The following L2HGDH variants were observed in gnomAD, a reference collection of about 807,000 sequenced individuals.
L2HGDH encodes L-2-hydroxyglutarate dehydrogenase, mitochondrial.
L2HGDH carries 34 observed loss-of-function variants against 51.5 expected under a neutral mutation model. The ratio of observed to expected loss-of-function variants is 0.66; its 90% CI spans 0.50 to 0.88. The LOEUF is 0.88. L2HGDH is among the 40% of genes least tolerant of loss of function. L2HGDH has a pLI of 0.00. For synonymous variants in L2HGDH, 198 were observed against 197.9 expected (o/e 1.00, Z -0.01); for missense variants, 558 against 571.9 (o/e 0.98, Z 0.25).
At chr14:50,295,573 T>C (rs1207037270) in intron 3 of L2HGDH, among the ~76,000 whole-genome samples, 1 of 101,512 alleles carries the variant, frequency 9.9e-6, no homozygotes. Context: ...ACTCGGCTAA[T>C]TTTTTTTTTT....
In L2HGDH at chr14:50,303,794, A is replaced by T. The variant is rs556474469; in HGVS notation, c.141-777T>A. On this transcript the variant is annotated intron_variant, in intron 1 of 9. Transcript: ENST00000267436. ...CAGACCCTGTCTCAAAAAAAAAAAA[A>T]AAAAGTTAGACGCATTAAAAAAAAA... is the stretch of plus-strand genomic sequence containing the variant. Among the ~76,000 whole-genome samples, 341 of 144,434 alleles carry T rather than the reference A, an allele frequency of 2.4e-3. 2 individuals carry two copies. In the Middle Eastern group the frequency reaches 0.055, roughly 23 times the overall value. 94.8% of individuals were successfully genotyped at this position (144,434 alleles called of 152,430 possible). A position where few individuals can be genotyped will look rare whatever the true frequency, so the allele number is the denominator to read the frequency against.
intron 1 of L2HGDH, among the ~76,000 whole-genome samples, chr14:50,303,807 C>G (rs1376057167): frequency 2.4e-5 from 2 of 82,116 alleles, no homozygotes; most frequent in Non-Finnish European, 2.4e-5. Flanking sequence ...AAGTTAGACG[C>G]ATTAAAAAAA....
rs1225830805 is a variant in L2HGDH, at chr14:50,312,217, CG to C, written c.-68del. On this transcript the variant is annotated 5_prime_UTR_variant, in exon 1 of 10. Transcript: ENST00000267436. ...ACTTGACCCTCCACGGCCGAGGACC[CG>C]CGCTCTTTAGCCCCGCCCCTCACGC... 1.3e-6 allele frequency: 2 copies of C among 1,584,652 alleles called. No individual in the cohort carries two copies. Among genetic ancestry groups the C allele is most frequent in the African/African-American group, 2.7e-5 (2 of 74,434 alleles).
At chr14:50,281,641 T>C (rs904192129) in intron 5 of L2HGDH, among the ~76,000 whole-genome samples, 23 of 152,170 alleles carry the variant, frequency 1.5e-4, no homozygotes, top group African/African-American at 5.1e-4. Flanking sequence ...TTCATAGTTA[T>C]AAAATTCTGG....
chr14:50,293,634 G>T (rs1357323099), intron 4 of L2HGDH, among the ~76,000 whole-genome samples: 1 of 152,154 alleles, frequency 6.6e-6, no homozygotes, highest in East Asian at 1.9e-4. Context: ...GGAGGTCGAG[G>T]CAGGAGGATC....
At chr14:50,310,662 C>T (rs1232863622) in intron 1 of L2HGDH, among the ~76,000 whole-genome samples, 1 of 152,050 alleles carries the variant, frequency 6.6e-6, no homozygotes, top group Non-Finnish European at 1.5e-5. Flanking sequence ...TATGATTGTG[C>T]CACTGCACTC....
intron 9 of L2HGDH, among the ~76,000 whole-genome samples, chr14:50,258,226 T>C (rs555397014): frequency 2.0e-5 from 3 of 151,874 alleles, no homozygotes; most frequent in African/African-American, 7.2e-5. Flanking sequence ...GGTTATTTTA[T>C]TTTTTTTAGA....
chr14:50,252,126 C>G (rs1271334551), intron 9 of L2HGDH, among the ~76,000 whole-genome samples: 1 of 150,736 alleles, frequency 6.6e-6, no homozygotes, highest in Non-Finnish European at 1.5e-5. Flanking sequence ...AGCCAAGGAA[C>G]AAAGTTAAAG....
intron 5 of L2HGDH, among the ~76,000 whole-genome samples, chr14:50,279,832 G>T (rs891378720): frequency 5.3e-5 from 8 of 152,102 alleles, no homozygotes; most frequent in Non-Finnish European, 1.0e-4. Flanking sequence ...AGGCCGAAGT[G>T]GGTGGATCAC....
At position 50,302,999 on chromosome 14, in the gene L2HGDH, G is replaced by T. The variant is rs2297995; in HGVS notation, c.159C>A (p.Ile53=). ...CAAGCCCCACAATTCCGCCACCAAC[G>T]ATGACTATATCAAATGAGCTTCAAA... The part of the protein sequence containing the change: ...SASTSSFDIV[I]VGGGIVGLAS... The change falls in exon 2 of 10, where the codon ATC becomes ATA. Residue 53 remains isoleucine (I), a synonymous_variant. Coordinates refer to ENST00000267436, the MANE Select transcript of L2HGDH (RefSeq NM_024884.3). 6.2e-7 allele frequency: 1 copy of T among 1,611,146 alleles called. No individual in the cohort carries two copies. The highest frequency in any genetic ancestry group is 1.7e-5 in the Admixed American group (1 of 60,000).
At chr14:50,267,180 T>C (rs1024529534) in intron 8 of L2HGDH, among the ~76,000 whole-genome samples, 2 of 144,704 alleles carry the variant, frequency 1.4e-5, no homozygotes, top group African/African-American at 2.8e-5. Context: ...TTTATTTATT[T>C]ATTTATTTAT....
intron 6 of L2HGDH, among the ~76,000 whole-genome samples, chr14:50,274,544 G>A (rs968369226): frequency 3.3e-5 from 5 of 152,022 alleles, no homozygotes; most frequent in South Asian, 2.1e-4. Context: ...CAGTAAGGAC[G>A]TTTCTCAAAA....
intron 9 of L2HGDH, among the ~76,000 whole-genome samples, chr14:50,259,484 A>G (rs895663960): frequency 4.0e-5 from 6 of 149,444 alleles, no homozygotes; most frequent in Non-Finnish European, 7.4e-5. Flanking sequence ...TGCTGAGATT[A>G]CAGGCATGAG....
rs565379725 is a variant in L2HGDH at position 50,274,298 on chromosome 14, G to T, written c.738+4222C>A. 3.8e-4 allele frequency among the ~76,000 whole-genome samples: 53 copies of T among 140,302 alleles called. No individual in the cohort carries two copies. In the East Asian group the frequency reaches 6.1e-3, roughly 16 times the overall value. The allele number at this position is 140,302 out of a possible 152,430, so 92.0% of individuals were successfully genotyped here. On this transcript the variant is annotated intron_variant, in intron 6 of 9. Coordinates refer to ENST00000267436, the MANE Select transcript of L2HGDH (RefSeq NM_024884.3). ...TCAAAAAAAAAAAAGGGGAGTGGGG[G>T]GGCCAAGGACCTGAATATGTATTTT...
intron 7 of L2HGDH, among the ~76,000 whole-genome samples, chr14:50,268,381 GAAA>G (rs769880130): frequency 1.5e-5 from 1 of 67,920 alleles, no homozygotes; most frequent in Non-Finnish European, 3.1e-5. Flanking sequence ...TCTGTCTCAG[GAAA>G]AAAAAAAAAA....
Position 50,243,140 on chromosome 14 carries a change from A to C in L2HGDH, c.*3918T>G. On this transcript the variant is annotated 3_prime_UTR_variant, in exon 10 of 10. Transcript: ENST00000267436. ...CAACAGTAAAGGCAACTCCCCAAAC[A>C]GTGCTAATGCTGAGAGGATCAAGGG... The C allele has an allele frequency of 1.0e-6, 1 of 985,354 alleles. No individual in the cohort carries two copies. Among genetic ancestry groups the C allele is most frequent in the South Asian group, 4.7e-5 (1 of 21,296 alleles). The allele number at this position is 985,354 out of a possible 1,614,324, so 61.0% of individuals were successfully genotyped here.
rs929365362 is a variant in L2HGDH, at chr14:50,294,175, A to G, written c.480T>C (p.Gly160=). 1.9e-6 allele frequency: 3 copies of G among 1,613,812 alleles called. No individual in the cohort carries two copies. The highest frequency in any genetic ancestry group is 1.6e-4 in the Middle Eastern group (1 of 6,062). ...GCTGGATCAGCCTCAGGCCCGGGAC[A>G]CCATTCTGGAGGCCTTTCTCATATA... ...QALYEKGLQN[G]VPGLRLIQQE... Residue 160 remains glycine, a synonymous_variant, in exon 4 of 10, where the codon GGT becomes GGC. Coordinates refer to ENST00000267436, the MANE Select transcript of L2HGDH (RefSeq NM_024884.3).
rs1214892466 is a variant in L2HGDH, at chr14:50,267,760, T to C, written c.1057A>G (p.Ile353Val). 2.5e-6 allele frequency: 4 copies of C among 1,608,432 alleles called. No homozygotes were observed. Among genetic ancestry groups the C allele is most frequent in the East Asian group, 4.5e-5 (2 of 44,858 alleles). The change falls in exon 8 of 10, where the codon ATC becomes GTC. Residue 353 changes from isoleucine (I) to valine (V), a missense_variant. Physicochemically the swap from Ile to Val is conservative, Grantham distance 29. Coordinates refer to ENST00000267436, the MANE Select transcript of L2HGDH (RefSeq NM_024884.3). ...FSATDVMDII[I>V]NSGLIKLASQ... ...AAAAATAAATAATGTTACCTATTGA[T>C]AATTATATCCATAACATCTGTGGCA...
chr14:50,268,380 G>A (rs1374237674), intron 7 of L2HGDH, among the ~76,000 whole-genome samples: 2 of 124,366 alleles, frequency 1.6e-5, no homozygotes, highest in African/African-American at 3.2e-5. Flanking sequence ...ATCTGTCTCA[G>A]GAAAAAAAAA....
Sources: gnomAD v4.1 joint callset for allele counts (sites outside exome capture counted in the v4.1 genomes callset) on GRCh38, gnomAD v4.1.1 for gene constraint, MANE v1.5 for transcripts, NCBI Gene and HGNC (gene_info 2026-07-23, HGNC 2026-07-21) for gene names.